Variants in OCA2 observed in about 807,000 individuals in gnomAD.
OCA2 encodes the protein P protein.
In OCA2, 77 loss-of-function variants were observed where a neutral mutation model predicts 100.2. The observed-to-expected ratio is 0.77, with a 90% CI of 0.64 to 0.93. OCA2 has a LOEUF of 0.93. Ranked by LOEUF, OCA2 falls within the 40% of genes least tolerant of loss-of-function variation. The probability of loss-of-function intolerance (pLI) is 0.00; values close to 1 mark genes in which losing one functional copy is unlikely to be tolerated. For synonymous variants in OCA2, 432 were observed against 439.2 expected (o/e 0.98, Z 0.21); for missense variants, 1,062 against 1,089.1 (o/e 0.98, Z 0.35).
intron 9 of OCA2, among the ~76,000 whole-genome samples, chr15:28,014,139 G>A (rs776957909): frequency 1.3e-5 from 2 of 152,122 alleles, no homozygotes; most frequent in African/African-American, 4.8e-5. Context: ...GCTCCTGTCC[G>A]TGTTGTGGTT....
intron 18 of OCA2, chr15:27,950,675 ATC>A (rs1193662323): frequency 9.2e-6 from 3 of 324,558 alleles, no homozygotes; most frequent in Non-Finnish European, 1.9e-5. Context: ...TTGTGTGAGA[ATC>A]TAGAAATGCG....
At chr15:27,731,375 G>T in the OCA2 span, among the ~76,000 whole-genome samples, 2 of 152,196 alleles carry the variant, frequency 1.3e-5, no homozygotes. Flanking sequence ...CATTTTAGCT[G>T]TGACATATAT....
chr15:28,071,216 G>T (rs1413666533), intron 2 of OCA2, among the ~76,000 whole-genome samples: 1 of 149,754 alleles, frequency 6.7e-6, no homozygotes, highest in Non-Finnish European at 1.5e-5. Context: ...GCTAACCAAG[G>T]AGTTGAAAGA....
chr15:28,040,045 A>G (rs1488518025), intron 2 of OCA2, among the ~76,000 whole-genome samples: 2 of 151,964 alleles, frequency 1.3e-5, no homozygotes, highest in African/African-American at 4.8e-5. Context: ...AAAAAAAAAA[A>G]AAGAAGAGGA....
chr15:27,796,205 T>C (rs1235773603), intron 23 of OCA2, among the ~76,000 whole-genome samples: 1 of 152,264 alleles, frequency 6.6e-6, no homozygotes. Context: ...CACCAAGTCC[T>C]GGACATCCAT....
At chr15:27,735,227 T>A in the OCA2 span, among the ~76,000 whole-genome samples, 88 of 151,974 alleles carry the variant, frequency 5.8e-4, no homozygotes, top group Non-Finnish European at 1.1e-3. Context: ...ACACAAAAAA[T>A]GCAATAGAGA....
At chr15:27,909,076 C>G (rs1452747417) in intron 19 of OCA2, among the ~76,000 whole-genome samples, 1 of 152,132 alleles carries the variant, frequency 6.6e-6, no homozygotes, top group Non-Finnish European at 1.5e-5. Context: ...GATAAATTAA[C>G]TTATAAAAAC....
chr15:27,809,423 T>C (rs938727266), intron 23 of OCA2, among the ~76,000 whole-genome samples: 5 of 152,156 alleles, frequency 3.3e-5, no homozygotes, highest in African/African-American at 9.7e-5. Flanking sequence ...TCATACTGAA[T>C]GGGGAAGAAT....
the OCA2 span, among the ~76,000 whole-genome samples, chr15:27,745,365 T>C: frequency 6.6e-6 from 1 of 152,206 alleles, no homozygotes; most frequent in Non-Finnish European, 1.5e-5. Flanking sequence ...ATCAATATTA[T>C]TATACTTAAA....
At chr15:27,916,857 T>C (rs1434203637) in intron 19 of OCA2, among the ~76,000 whole-genome samples, 2 of 152,122 alleles carry the variant, frequency 1.3e-5, no homozygotes, top group African/African-American at 4.8e-5. Context: ...CACTGCAACA[T>C]GACAGAAGAA....
chr15:27,866,423 A>G (rs760499039), intron 21 of OCA2, among the ~76,000 whole-genome samples: 22 of 152,214 alleles, frequency 1.4e-4, no homozygotes, highest in Non-Finnish European at 2.2e-4. Context: ...TGGGGTGTCC[A>G]GCTCCCTCAG....
chr15:27,863,439 G>A (rs2036209566), intron 21 of OCA2, among the ~76,000 whole-genome samples: 1 of 152,158 alleles, frequency 6.6e-6, no homozygotes, highest in African/African-American at 2.4e-5. Context: ...GCCTAGACCA[G>A]CACTTCTCCA....
At chr15:27,920,555 A>G (rs905476725) in intron 19 of OCA2, among the ~76,000 whole-genome samples, 1 of 152,184 alleles carries the variant, frequency 6.6e-6, no homozygotes, top group African/African-American at 2.4e-5. Context: ...AAAACTGCCA[A>G]TAGAAACTAT....
At chr15:27,850,217 T>A (rs2035695846) in intron 22 of OCA2, among the ~76,000 whole-genome samples, 1 of 152,160 alleles carries the variant, frequency 6.6e-6, no homozygotes, top group Non-Finnish European at 1.5e-5. Flanking sequence ...CCTCCTCCGA[T>A]GTCTCCAGTC....
chr15:27,825,075 T>A (rs1262041488), intron 23 of OCA2, among the ~76,000 whole-genome samples: 1 of 152,200 alleles, frequency 6.6e-6, no homozygotes, highest in African/African-American at 2.4e-5. Flanking sequence ...TATCATTACA[T>A]GACAAAATTA....
chr15:27,927,012 G>A (rs1052087330), intron 18 of OCA2, among the ~76,000 whole-genome samples: 3 of 152,122 alleles, frequency 2.0e-5, no homozygotes, highest in Non-Finnish European at 2.9e-5. Context: ...ACTGTTGGCC[G>A]GGCCCGATGG....
At chr15:28,035,226 T>C (rs2141409690) in intron 2 of OCA2, among the ~76,000 whole-genome samples, 1 of 152,374 alleles carries the variant, frequency 6.6e-6, no homozygotes, top group South Asian at 2.1e-4. Context: ...TTTATAATTG[T>C]AGTTAAGCAT....
intron 1 of OCA2, among the ~76,000 whole-genome samples, chr15:28,089,122 G>A (rs1227645791): frequency 6.6e-6 from 1 of 152,222 alleles, no homozygotes; most frequent in East Asian, 1.9e-4. Flanking sequence ...TTTGAAAGAA[G>A]AGAAATATGG....
intron 2 of OCA2, among the ~76,000 whole-genome samples, chr15:28,040,681 G>C (rs1014166283): frequency 2.0e-5 from 3 of 152,062 alleles, no homozygotes; most frequent in African/African-American, 7.2e-5. Context: ...AAAATAAAAA[G>C]TATTATAAGA....
Sources: allele counts gnomAD v4.1 joint callset (sites outside exome capture counted in the v4.1 genomes callset), GRCh38; gene constraint gnomAD v4.1.1; transcripts MANE v1.5; gene names NCBI Gene and HGNC (gene_info 2026-07-23, HGNC 2026-07-21).